The following RASGRF2 variants were observed in gnomAD, a reference collection of about 807,000 sequenced individuals.
The protein encoded by RASGRF2 is Ras protein specific guanine nucleotide releasing factor 2, also known as ras-specific guanine nucleotide-releasing factor 2.
RASGRF2 carries 76 observed loss-of-function variants against 151.0 expected under a neutral mutation model. The ratio of observed to expected loss-of-function variants is 0.50; its 90% confidence interval spans 0.42 to 0.61. The LOEUF is 0.61. Among genes scored for constraint, RASGRF2 ranks in the 20% least tolerant of loss-of-function variants. RASGRF2 has a pLI of 0.00. For missense variants in RASGRF2, 1,148 were observed against 1,564.6 expected (o/e 0.73, Z 4.49); for synonymous variants, 504 against 566.5 (o/e 0.89, Z 1.57).
At chr5:80,971,687 C>A (rs1383520405) in intron 1 of RASGRF2, among the ~76,000 whole-genome samples, 1 of 151,778 alleles carries the variant, frequency 6.6e-6, no homozygotes, top group African/African-American at 2.4e-5. Flanking sequence ...CATCTCAGCC[C>A]CCCAAGTAGC....
intron 17 of RASGRF2, among the ~76,000 whole-genome samples, chr5:81,134,447 G>A (rs1753705558): frequency 6.6e-6 from 1 of 152,136 alleles, no homozygotes; most frequent in African/African-American, 2.4e-5. Flanking sequence ...AAGCCTGAGA[G>A]CTCAGCTGGT....
chr5:81,144,251 T>G (rs78568601), intron 17 of RASGRF2, among the ~76,000 whole-genome samples: 4,242 of 152,306 alleles, frequency 0.028, 180 homozygotes, highest in African/African-American at 0.095. Context: ...CATACTGCTT[T>G]TATATGCTTG....
Position 81,086,894 on chromosome 5 carries a change from G to A in RASGRF2, c.1331G>A (p.Arg444Lys). 6.2e-7 allele frequency: 1 copy of A among 1,614,228 alleles called. No individual in the cohort carries two copies. The highest frequency in any genetic ancestry group is 8.5e-7 in the Non-Finnish European group (1 of 1,180,030). ...ENIRKNLAIE[R>K]MIVEGCDILL... Reference sequence around the variant, plus strand: ...ATAAGGAAAAACCTTGCCATCGAAAGAATGATCGTGGAGGGCTGTGACATC... The same window carrying A: ...ATAAGGAAAAACCTTGCCATCGAAAAAATGATCGTGGAGGGCTGTGACATC... Residue 444 changes from arginine (R) to lysine (K), a missense_variant, in exon 9 of 27, where the codon AGA becomes AAA. Arg to Lys is a conservative substitution (Grantham distance 26). Transcript: ENST00000265080.
chr5:81,039,501 A>G (rs566524623), intron 1 of RASGRF2, among the ~76,000 whole-genome samples: 102 of 152,290 alleles, frequency 6.7e-4, no homozygotes, highest in Non-Finnish European at 1.1e-3. Context: ...GCATTAAAAC[A>G]TGTAAAGCAA....
chr5:81,223,485 C>CA (rs1228368286), intron 26 of RASGRF2: 11 of 152,004 alleles, frequency 7.2e-5, no homozygotes, highest in Admixed American at 2.0e-4. Context: ...ACTAAAAATA[C>CA]AAAAAATTAG....
chr5:81,018,435 C>T (rs968499466), intron 1 of RASGRF2, among the ~76,000 whole-genome samples: 2 of 152,098 alleles, frequency 1.3e-5, no homozygotes, highest in Admixed American at 6.5e-5. Context: ...TGTGCCTCTA[C>T]GGCTCAGGGA....
At chr5:81,025,858 A>G (rs1750002326) in intron 1 of RASGRF2, among the ~76,000 whole-genome samples, 1 of 152,002 alleles carries the variant, frequency 6.6e-6, no homozygotes, top group African/African-American at 2.4e-5. Flanking sequence ...AAATGGTGAT[A>G]TTTTCCCCCC....
At chr5:80,985,143 C>T (rs746758826) in intron 1 of RASGRF2, among the ~76,000 whole-genome samples, 1 of 151,996 alleles carries the variant, frequency 6.6e-6, no homozygotes, top group East Asian at 1.9e-4. Context: ...GCCTGGGATG[C>T]GGAGATTGCA....
intron 1 of RASGRF2, among the ~76,000 whole-genome samples, chr5:80,980,237 T>C (rs543394583): frequency 4.6e-5 from 7 of 152,336 alleles, no homozygotes; most frequent in African/African-American, 7.2e-5. Flanking sequence ...CTGACTGTTA[T>C]CCTTTGCACC....
At chr5:81,179,601 A>G (rs1297592868) in intron 17 of RASGRF2, among the ~76,000 whole-genome samples, 1 of 152,258 alleles carries the variant, frequency 6.6e-6, no homozygotes, top group South Asian at 2.1e-4. Flanking sequence ...TAACAGATCT[A>G]TCACCTGGCA....
chr5:81,011,226 A>G (rs1203752865), intron 1 of RASGRF2, among the ~76,000 whole-genome samples: 1 of 143,222 alleles, frequency 7.0e-6, no homozygotes, highest in Non-Finnish European at 1.5e-5. Context: ...TCTCTAGCTT[A>G]CTATTTTTTT....
chr5:81,006,687 G>A (rs553528234), intron 1 of RASGRF2, among the ~76,000 whole-genome samples: 5 of 151,966 alleles, frequency 3.3e-5, no homozygotes, highest in African/African-American at 7.3e-5. Flanking sequence ...GAGACCTCTC[G>A]GATCCCCCTT....
intron 1 of RASGRF2, among the ~76,000 whole-genome samples, chr5:81,012,341 C>T (rs1018171881): frequency 5.9e-5 from 9 of 152,108 alleles, no homozygotes; most frequent in African/African-American, 1.4e-4. Context: ...TGTTGTTGTA[C>T]GTATCAGTAG....
At chr5:80,965,517 G>C (rs1039550094) in intron 1 of RASGRF2, among the ~76,000 whole-genome samples, 1 of 152,044 alleles carries the variant, frequency 6.6e-6, no homozygotes, top group Non-Finnish European at 1.5e-5. Flanking sequence ...TTAGATTGTT[G>C]TGTAAGAATT....
At chr5:81,142,110 G>A (rs765723479) in intron 17 of RASGRF2, among the ~76,000 whole-genome samples, 4 of 152,162 alleles carry the variant, frequency 2.6e-5, no homozygotes, top group Admixed American at 6.5e-5. Context: ...AATTTGGGCA[G>A]GAATTACATA....
chr5:81,020,808 G>C (rs1749799488), intron 1 of RASGRF2, among the ~76,000 whole-genome samples: 2 of 152,298 alleles, frequency 1.3e-5, no homozygotes, highest in South Asian at 4.1e-4. Flanking sequence ...TAATAGAGAA[G>C]GGAGTTGACA....
intron 1 of RASGRF2, among the ~76,000 whole-genome samples, chr5:81,042,622 A>C (rs774906211): frequency 1.3e-5 from 2 of 152,164 alleles, no homozygotes; most frequent in Non-Finnish European, 2.9e-5. Flanking sequence ...TTTTTTGTAC[A>C]TTATAGAAAG....
At chr5:81,051,175 A>T (rs989795006) in intron 2 of RASGRF2, among the ~76,000 whole-genome samples, 3 of 152,036 alleles carry the variant, frequency 2.0e-5, no homozygotes, top group Non-Finnish European at 4.4e-5. Flanking sequence ...TTCATCTTTT[A>T]TGTTTGTTCA....
intron 1 of RASGRF2, among the ~76,000 whole-genome samples, chr5:81,014,312 A>G (rs1749561245): frequency 6.6e-6 from 1 of 152,218 alleles, no homozygotes; most frequent in Admixed American, 6.5e-5. Flanking sequence ...AAGAGGTTTA[A>G]TGGACTCACA....
Sources: gnomAD v4.1 joint callset for allele counts (sites outside exome capture counted in the v4.1 genomes callset) on GRCh38, gnomAD v4.1.1 for gene constraint, MANE v1.5 for transcripts, NCBI Gene and HGNC (gene_info 2026-07-23, HGNC 2026-07-21) for gene names.